Variants in FKTN observed in about 807,000 individuals in gnomAD.
The protein encoded by FKTN is fukutin.
FKTN carries 47 observed loss-of-function variants against 58.6 expected under a neutral mutation model. The observed-to-expected ratio is 0.80, with a 90% CI of 0.63 to 1.02. The LOEUF is 1.02. Among genes scored for constraint, FKTN ranks in the 50% least tolerant of loss-of-function variants. FKTN has a pLI of 0.00. For synonymous variants in FKTN, 178 were observed against 191.9 expected (o/e 0.93, Z 0.60); for missense variants, 516 against 537.3 (o/e 0.96, Z 0.39).
chr9:105,574,917 T>C, intron 2 of FKTN, 28 bp from the exon 3 acceptor site: 1 of 706,680 alleles, frequency 1.4e-6, no homozygotes, highest in Non-Finnish European at 2.6e-6. Context: ...GGTTTTTGTT[T>C]CTTTAAAAAT....
chr9:105,603,057 C>T (rs929297061), intron 5 of FKTN, among the ~76,000 whole-genome samples: 1 of 152,204 alleles, frequency 6.6e-6, no homozygotes, highest in East Asian at 1.9e-4. Context: ...TAGGCCTTTA[C>T]ACCAATTGAT....
At chr9:105,609,188 A>G (rs1829447959) in intron 7 of FKTN, among the ~76,000 whole-genome samples, 1 of 152,184 alleles carries the variant, frequency 6.6e-6, no homozygotes, top group Non-Finnish European at 1.5e-5. Flanking sequence ...ATGTATTTGA[A>G]CACTTGATGG....
At chr9:105,590,217 G>A (rs1844624986) in intron 3 of FKTN, among the ~76,000 whole-genome samples, 1 of 152,138 alleles carries the variant, frequency 6.6e-6, no homozygotes, top group Admixed American at 6.5e-5. Flanking sequence ...TCTTGTGGTA[G>A]CAAATAAGTC....
intron 10 of FKTN, chr9:105,624,521 C>T (rs1341218452): frequency 3.3e-5 from 5 of 150,360 alleles, no homozygotes; most frequent in Non-Finnish European, 7.4e-5. Context: ...GTCCCAACTA[C>T]ATGGGAGGCT....
rs1242012661 is a variant in FKTN, at chr9:105,638,406, C to CCTTCT, written c.*3145_*3149dup. 1.0e-6 allele frequency: 1 copy of CCTTCT among 985,224 alleles called. No individual in the cohort carries two copies. Among genetic ancestry groups the CCTTCT allele is most frequent in the Non-Finnish European group, 1.2e-6 (1 of 829,896 alleles). 61.0% of individuals were successfully genotyped at this position (985,224 alleles called of 1,614,324 possible). ...CCTTCATACCTTTATCTGGAAAATG[C>CCTTCT]CTTCTCTCCAGACAATAAGACAGTT... On this transcript the variant is annotated 3_prime_UTR_variant, in exon 11 of 11. Coordinates refer to ENST00000357998, the MANE Select transcript of FKTN (RefSeq NM_001079802.2).
rs574175976 is a variant in FKTN at position 105,640,216 on chromosome 9, T to A, written c.*4952T>A. On this transcript the variant is annotated 3_prime_UTR_variant, in exon 11 of 11. Transcript: ENST00000357998. ...TCAATGGCAATACCTTTTGTATAGGTCCTGTGCTTAAAGGAGGCAAGTATA... is the reference window on the plus strand; with the variant it reads ...TCAATGGCAATACCTTTTGTATAGGACCTGTGCTTAAAGGAGGCAAGTATA... 8.6e-5 allele frequency: 127 copies of A among 1,484,846 alleles called. 2 individuals are homozygous for A. The South Asian group carries it at 1.0e-3, about 12-fold the overall frequency. The allele number at this position is 1,484,846 out of a possible 1,614,324, so 92.0% of individuals were successfully genotyped here. A position where few individuals can be genotyped will look rare whatever the true frequency, so the allele number is the denominator to read the frequency against.
chr9:105,577,308 C>G (rs1460237356), intron 3 of FKTN, among the ~76,000 whole-genome samples: 1 of 129,436 alleles, frequency 7.7e-6, no homozygotes, highest in Non-Finnish European at 1.6e-5. Flanking sequence ...TTAGGTCTAA[C>G]GTTTAAATCT....
intron 1 of FKTN, among the ~76,000 whole-genome samples, chr9:105,559,340 T>TA (rs1415262798): frequency 2.6e-5 from 4 of 152,200 alleles, no homozygotes; most frequent in African/African-American, 7.2e-5. Flanking sequence ...GAGAGCTAGT[T>TA]ACTTTCTTCT....
intron 1 of FKTN, among the ~76,000 whole-genome samples, chr9:105,571,854 AT>A (rs1840785343): frequency 6.6e-6 from 1 of 152,218 alleles, no homozygotes; most frequent in Non-Finnish European, 1.5e-5. Context: ...ATGCTCCAAA[AT>A]CTGCAACTTT....
At chr9:105,558,873 T>C (rs1472689177) in intron 1 of FKTN, among the ~76,000 whole-genome samples, 1 of 152,206 alleles carries the variant, frequency 6.6e-6, no homozygotes, top group Non-Finnish European at 1.5e-5. Flanking sequence ...GACAAAGATA[T>C]CAAATGCAGG....
intron 10 of FKTN, among the ~76,000 whole-genome samples, chr9:105,629,635 T>C (rs1169581309): frequency 6.6e-6 from 1 of 152,164 alleles, no homozygotes; most frequent in Non-Finnish European, 1.5e-5. Flanking sequence ...CCCAAGGCTT[T>C]GTCCTCTGGC....
Position 105,635,529 on chromosome 9 carries a change from A to G in FKTN, c.*265A>G, listed in dbSNP as rs1176049833. 3.0e-6 allele frequency: 4 copies of G among 1,330,404 alleles called. No individual in the cohort carries two copies. Among genetic ancestry groups the G allele is most frequent in the East Asian group, 3.3e-5 (1 of 30,126 alleles). The allele number at this position is 1,330,404 out of a possible 1,614,324, so 82.4% of individuals were successfully genotyped here. ...CTTTTATTCCTCCTTTTGGTAAACA[A>G]CTCAATTTTCCTTTGAGGGAACCCT... is the stretch of plus-strand genomic sequence containing the variant. On this transcript the variant is annotated 3_prime_UTR_variant, in exon 11 of 11. Coordinates refer to ENST00000357998, the MANE Select transcript of FKTN (RefSeq NM_001079802.2).
Position 105,565,016 on chromosome 9 carries a change from C to T in FKTN, c.-181+6851C>T, listed in dbSNP as rs58317574. ...ATTCAACATTCTTAAAGAAAAGAAT[C>T]TTCAACCCAGAATTTCATATCCAGC... is the stretch of plus-strand genomic sequence containing the variant. On this transcript the variant is annotated intron_variant, in intron 1 of 10. Coordinates refer to ENST00000357998, the MANE Select transcript of FKTN (RefSeq NM_001079802.2). Among the ~76,000 whole-genome samples the T allele has an allele frequency of 3.9e-5, 6 of 152,214 alleles. No individual in the cohort carries two copies. The East Asian group carries it at 7.7e-4, about 20-fold the overall frequency.
At chr9:105,602,983 C>T (rs985255604) in intron 5 of FKTN, among the ~76,000 whole-genome samples, 2 of 152,108 alleles carry the variant, frequency 1.3e-5, no homozygotes, top group African/African-American at 2.4e-5. Flanking sequence ...AATGCCATTA[C>T]CATAAAGTGA....
chr9:105,640,794 AAAAT>A lies in FKTN; in HGVS notation c.*5533_*5536del, dbSNP rs1462311361. The A allele has an allele frequency of 2.0e-5, 3 of 152,208 alleles. No homozygotes were observed. Among genetic ancestry groups the A allele is most frequent in the Non-Finnish European group, 2.9e-5 (2 of 68,044 alleles). The allele number at this position is 152,208 out of a possible 1,614,324, so 9.4% of individuals were successfully genotyped here. A position where few individuals can be genotyped will look rare whatever the true frequency, so the allele number is the denominator to read the frequency against. ...AATATTGTTTCATGCACCTTTGAAA[AAAAT>A]AACAGGATTTTACAGCCTTCTGATG... is the stretch of plus-strand genomic sequence containing the variant. On this transcript the variant is annotated 3_prime_UTR_variant, in exon 11 of 11. Coordinates refer to ENST00000357998, the MANE Select transcript of FKTN (RefSeq NM_001079802.2).
chr9:105,600,999 C>A (rs910223093), intron 4 of FKTN, 146 bp from the exon 5 acceptor site: 20 of 609,098 alleles, frequency 3.3e-5, no homozygotes, highest in Non-Finnish European at 4.7e-5. Context: ...GCTATTTAAT[C>A]ATTTGTATTT....
chr9:105,626,688 A>G (rs1183560714), intron 10 of FKTN, among the ~76,000 whole-genome samples: 1 of 152,208 alleles, frequency 6.6e-6, no homozygotes, highest in African/African-American at 2.4e-5. Flanking sequence ...AAGTTATTCC[A>G]AGTTATATTC....
intron 1 of FKTN, among the ~76,000 whole-genome samples, chr9:105,566,010 C>G (rs1057440318): frequency 7.9e-5 from 12 of 152,184 alleles, no homozygotes; most frequent in Admixed American, 6.5e-4. Flanking sequence ...CAAAACCGCT[C>G]AAATACATGG....
chr9:105,613,534 G>A (rs1830298499), intron 7 of FKTN, among the ~76,000 whole-genome samples: 1 of 152,074 alleles, frequency 6.6e-6, no homozygotes, highest in African/African-American at 2.4e-5. Flanking sequence ...GCCTGGGAGG[G>A]GCTTAGTCAA....
Sources: allele counts gnomAD v4.1 joint callset (sites outside exome capture counted in the v4.1 genomes callset), GRCh38; gene constraint gnomAD v4.1.1; transcripts MANE v1.5; gene names NCBI Gene and HGNC (gene_info 2026-07-23, HGNC 2026-07-21).